The following KLRG2 variants were observed in gnomAD, a reference collection of about 807,000 sequenced individuals.
KLRG2 encodes killer cell lectin-like receptor subfamily G member 2.
In KLRG2, 39 loss-of-function variants were observed where a neutral mutation model predicts 35.4. The ratio of observed to expected loss-of-function variants is 1.10; its 90% CI spans 0.85 to 1.44. The LOEUF (loss-of-function observed/expected upper bound fraction) is 1.44. Ranked by LOEUF, KLRG2 falls within the 40% of genes most tolerant of loss-of-function variation. KLRG2 has a pLI of 0.00. For missense variants in KLRG2, 632 were observed against 570.9 expected, an observed-to-expected ratio of 1.11 and a Z score of -1.09; for synonymous variants, 283 against 265.8, an observed-to-expected ratio of 1.06 and a Z score of -0.63.
At chr7:139,454,673 G>A (rs989110705) in intron 3 of KLRG2, among the ~76,000 whole-genome samples, 4 of 151,684 alleles carry the variant, frequency 2.6e-5, no homozygotes, top group Non-Finnish European at 5.9e-5. Context: ...AAAATTAGCT[G>A]GGCATGGTGG....
At chr7:139,473,256 G>A (rs1283242273) in intron 3 of KLRG2, among the ~76,000 whole-genome samples, 1 of 152,096 alleles carries the variant, frequency 6.6e-6, no homozygotes, top group Non-Finnish European at 1.5e-5. Flanking sequence ...ATTCCAGCCT[G>A]GGTGACAGAC....
intron 3 of KLRG2, among the ~76,000 whole-genome samples, chr7:139,475,333 C>A (rs1256614964): frequency 6.6e-6 from 1 of 152,050 alleles, no homozygotes; most frequent in Non-Finnish European, 1.5e-5. Context: ...AGATCGAGAC[C>A]ATCCTGGCTA....
At chr7:139,440,411 CTTTTTTTT>C in the KLRG2 span, among the ~76,000 whole-genome samples, 13 of 40,508 alleles carry the variant, frequency 3.2e-4, no homozygotes, top group African/African-American at 5.1e-4. Context: ...CCACACCTGG[CTTTTTTTT>C]TTTTTTTTTT....
intron 1 of KLRG2, among the ~76,000 whole-genome samples, chr7:139,481,203 C>G (rs1004965785): frequency 1.3e-5 from 2 of 152,218 alleles, no homozygotes; most frequent in African/African-American, 4.8e-5. Context: ...TCCCCTAGAC[C>G]CCCAGAAAGG....
chr7:139,434,865 A>G, the KLRG2 span, among the ~76,000 whole-genome samples: 1 of 152,170 alleles, frequency 6.6e-6, no homozygotes, highest in Non-Finnish European at 1.5e-5. Context: ...AGCGATAATA[A>G]TACATTTACC....
the KLRG2 span, among the ~76,000 whole-genome samples, chr7:139,431,604 C>T: frequency 3.9e-4 from 59 of 152,214 alleles, no homozygotes; most frequent in Admixed American, 9.2e-4. Context: ...CTGTGGCCTG[C>T]GATCCGCTAG....
At chr7:139,479,599 C>T (rs12707445) in intron 3 of KLRG2, 28 bp downstream of exon 3, 22 of 1,601,872 alleles carry the variant, frequency 1.4e-5, no homozygotes, top group Non-Finnish European at 1.8e-5. Context: ...AGATCTGTAC[C>T]CCCTTAGATT....
chr7:139,438,677 A>ATTTTTTTT, the KLRG2 span, among the ~76,000 whole-genome samples: 30 of 142,828 alleles, frequency 2.1e-4, no homozygotes, highest in South Asian at 6.8e-4. Flanking sequence ...CATTTTGGCA[A>ATTTTTTTT]TTTTTTTTTT....
In KLRG2 at chr7:139,479,208, A is replaced by C. The variant is rs182109555; in HGVS notation, c.1005+419T>G. 4.9e-3 allele frequency among the ~76,000 whole-genome samples: 746 copies of C among 151,900 alleles called. 6 individuals are homozygous for C. Among genetic ancestry groups the C allele is most frequent in the African/African-American group, 0.017 (712 of 41,420 alleles). ...AGCAATTCTCCTGCCTCAGCCTCCTAAATAGCTGGGATTACAGGCGCCCGC... is the reference window on the plus strand; with the variant it reads ...AGCAATTCTCCTGCCTCAGCCTCCTCAATAGCTGGGATTACAGGCGCCCGC... On this transcript the variant is annotated intron_variant, in intron 3 of 4. Transcript: ENST00000340940.
chr7:139,482,792 G>A (rs554952662), intron 1 of KLRG2, 94 bp downstream of exon 1: 544 of 1,182,154 alleles, frequency 4.6e-4, no homozygotes, highest in Non-Finnish European at 5.5e-4. Flanking sequence ...TAGTCGGTCA[G>A]CTGCCCAGCG....
chr7:139,443,094 CTT>C, the KLRG2 span, among the ~76,000 whole-genome samples: 20 of 120,534 alleles, frequency 1.7e-4, no homozygotes, highest in Non-Finnish European at 2.1e-4. Context: ...GGAAAAAAAA[CTT>C]TTTTTTTTTT....
chr7:139,452,548 G>A (rs560802070), downstream of KLRG2: 45 of 152,330 alleles, frequency 3.0e-4, 1 homozygote, highest in African/African-American at 1.1e-3. Context: ...GCACCAATAA[G>A]GATTTCTGTT....
chr7:139,453,544 T>A lies in KLRG2; in HGVS notation c.*43A>T, dbSNP rs766907470. On this transcript the variant is annotated 3_prime_UTR_variant, in exon 5 of 5. Coordinates refer to ENST00000340940, the MANE Select transcript of KLRG2 (RefSeq NM_198508.4). ...CTCAACTGGCCTCCCCTGTAGGGGG[T>A]GCTGCATCTGCCTGGCAGGCTGAGG... The A allele has an allele frequency of 1.3e-6, 2 of 1,558,640 alleles. No individual in the cohort carries two copies. Among genetic ancestry groups the A allele is most frequent in the South Asian group, 2.4e-5 (2 of 84,900 alleles).
chr7:139,463,464 A>C (rs1027167720), intron 3 of KLRG2, among the ~76,000 whole-genome samples: 1 of 152,122 alleles, frequency 6.6e-6, no homozygotes, highest in African/African-American at 2.4e-5. Flanking sequence ...ACCCAGCCGC[A>C]CCTCCAGCAT....
chr7:139,447,405 T>C, the KLRG2 span, among the ~76,000 whole-genome samples: 3 of 145,710 alleles, frequency 2.1e-5, no homozygotes, highest in African/African-American at 8.2e-5. Flanking sequence ...GGTCATTCTT[T>C]TTTTTTTTTT....
the KLRG2 span, among the ~76,000 whole-genome samples, chr7:139,445,751 T>TTA: frequency 1.8e-4 from 19 of 103,436 alleles, no homozygotes; most frequent in African/African-American, 2.6e-4. Context: ...CCTTCCTAAA[T>TTA]TATATATATG....
the KLRG2 span, among the ~76,000 whole-genome samples, chr7:139,436,221 C>T: frequency 2.6e-5 from 4 of 152,124 alleles, no homozygotes; most frequent in African/African-American, 7.2e-5. Flanking sequence ...ACTCTTAACC[C>T]GCACACTCTA....
the KLRG2 span, among the ~76,000 whole-genome samples, chr7:139,442,259 C>T: frequency 2.0e-5 from 3 of 152,150 alleles, no homozygotes; most frequent in East Asian, 1.9e-4. Flanking sequence ...TGAGGTTGGA[C>T]AGAGAGGAGC....
intron 3 of KLRG2, among the ~76,000 whole-genome samples, chr7:139,457,426 G>A (rs1008551892): frequency 1.3e-5 from 2 of 152,162 alleles, no homozygotes; most frequent in African/African-American, 4.8e-5. Context: ...CATGACTTGT[G>A]AGCCACATGA....
Sources: allele counts gnomAD v4.1 joint callset (sites outside exome capture counted in the v4.1 genomes callset), GRCh38; gene constraint gnomAD v4.1.1; transcripts MANE v1.5; gene names NCBI Gene and HGNC (gene_info 2026-07-23, HGNC 2026-07-21).